The following PUDP variants were observed in gnomAD, a reference collection of about 807,000 sequenced individuals.
PUDP encodes the protein pseudouridine-5'-phosphatase.
Under a neutral mutation model 9.4 loss-of-function variants are expected in PUDP, and 8 were observed. That is an observed-to-expected ratio of 0.85 (90% CI 0.50 to 1.53). The LOEUF (loss-of-function observed/expected upper bound fraction) is 1.53. Among genes scored for constraint, PUDP ranks in the 40% most tolerant of loss-of-function variants. The pLI, the probability that PUDP is intolerant of heterozygous loss-of-function variation, is 0.00. For missense variants in PUDP, 188 were observed against 189.7 expected, an observed-to-expected ratio of 0.99 and a Z score of 0.05; for synonymous variants, 99 against 80.7, an observed-to-expected ratio of 1.23 and a Z score of -1.22.
intron 2 of PUDP, among the ~76,000 whole-genome samples, chrX:6,977,283 G>C (rs1459165429): frequency 1.8e-5 from 2 of 111,422 alleles, no homozygotes; most frequent in African/African-American, 6.5e-5. Flanking sequence ...ACACCTTCAG[G>C]ATGTAGACAG....
intron 3 of PUDP, among the ~76,000 whole-genome samples, chrX:6,771,463 A>G (rs1411355731): frequency 8.9e-6 from 1 of 112,093 alleles, no homozygotes; most frequent in Non-Finnish European, 1.9e-5. Flanking sequence ...CTTTTGGAGC[A>G]TGTCCGCAAC....
chrX:6,863,714 G>A (rs948361254), intron 3 of PUDP, among the ~76,000 whole-genome samples: 8 of 111,866 alleles, frequency 7.2e-5, no homozygotes, highest in Non-Finnish European at 1.3e-4. Context: ...TTCTATAGGC[G>A]AGCTGAAATT....
At chrX:6,752,788 A>G (rs2146670896) in intron 3 of PUDP, among the ~76,000 whole-genome samples, 1 of 111,806 alleles carries the variant, frequency 8.9e-6, no homozygotes, top group South Asian at 3.8e-4. Context: ...GAGGGAAAAG[A>G]TATTATTAAG....
intron 3 of PUDP, among the ~76,000 whole-genome samples, chrX:6,942,417 A>T (rs1928412489): frequency 9.0e-6 from 1 of 111,644 alleles, no homozygotes; most frequent in South Asian, 3.8e-4. Flanking sequence ...AAGATGACAG[A>T]CTTCCTTTAC....
chrX:7,025,817 T>C (rs1929700879), intron 1 of PUDP, among the ~76,000 whole-genome samples: 1 of 112,686 alleles, frequency 8.9e-6, no homozygotes, highest in Non-Finnish European at 1.9e-5. Flanking sequence ...AAATATACTA[T>C]GTCAACTTTG....
At chrX:6,711,870 A>G (rs1924536637) in intron 1 of PUDP, among the ~76,000 whole-genome samples, 3 of 112,346 alleles carry the variant, frequency 2.7e-5, no homozygotes, top group Non-Finnish European at 5.6e-5. Context: ...TGTCCAGCTC[A>G]CAGGGCCTGG....
At chrX:6,729,600 G>A (rs1924784750) in intron 3 of PUDP, among the ~76,000 whole-genome samples, 1 of 112,063 alleles carries the variant, frequency 8.9e-6, no homozygotes, top group East Asian at 2.8e-4. Context: ...ATATGATGAG[G>A]TTTCTCTTCA....
chrX:6,894,941 G>A (rs1303186130), intron 3 of PUDP, among the ~76,000 whole-genome samples: 3 of 111,199 alleles, frequency 2.7e-5, no homozygotes, highest in African/African-American at 9.8e-5. Context: ...CAAAAAAGAG[G>A]GTGTGTTTGG....
In PUDP at chrX:6,764,248, A is replaced by G. The variant is rs1477026825; in HGVS notation, c.*248-57782T>C. On this transcript the variant is annotated intron_variant and NMD_transcript_variant, in intron 3 of 3. Transcript: ENST00000655425. Reference sequence around the variant, plus strand: ...TTTGCAAAGCAGGAGGCAAAGCAGAAGACACCCCATCGTGGTCTTGGCAGC... The same window carrying G: ...TTTGCAAAGCAGGAGGCAAAGCAGAGGACACCCCATCGTGGTCTTGGCAGC... Among the ~76,000 whole-genome samples, 48 of 111,860 alleles carry G rather than the reference A, an allele frequency of 4.3e-4. No homozygotes were observed. In the Admixed American group the frequency reaches 4.6e-3, roughly 11 times the overall value.
chrX:6,773,615 C>A (rs1364144509), intron 3 of PUDP, among the ~76,000 whole-genome samples: 3 of 111,022 alleles, frequency 2.7e-5, no homozygotes, highest in Non-Finnish European at 5.7e-5. Context: ...AACTCAACAC[C>A]AGAGGCAAAG....
At chrX:7,096,149 T>C (rs1381341960) in intron 2 of PUDP, among the ~76,000 whole-genome samples, 11 of 111,848 alleles carry the variant, frequency 9.8e-5, no homozygotes, top group Non-Finnish European at 2.1e-4. Context: ...TGACAATTCA[T>C]TTAAGAGCTA....
chrX:7,129,554 CT>C (rs1430868649), intron 1 of PUDP, among the ~76,000 whole-genome samples: 11 of 112,231 alleles, frequency 9.8e-5, no homozygotes, highest in East Asian at 5.6e-4. Flanking sequence ...TACAGCTCTT[CT>C]CTGTCTTTGA....
intron 1 of PUDP, among the ~76,000 whole-genome samples, chrX:6,982,593 T>C (rs768249920): frequency 3.6e-5 from 4 of 111,994 alleles, no homozygotes; most frequent in Non-Finnish European, 7.5e-5. Flanking sequence ...TCTGCCATAG[T>C]GATGTTATCT....
intron 1 of PUDP, among the ~76,000 whole-genome samples, chrX:7,034,677 GTATC>G (rs910311407): frequency 9.0e-6 from 1 of 111,503 alleles, no homozygotes; most frequent in African/African-American, 3.3e-5. Flanking sequence ...TATCTATTGT[GTATC>G]TATCTAATAA....
At chrX:6,711,521 C>A (rs1181937311) in intron 1 of PUDP, among the ~76,000 whole-genome samples, 2 of 111,149 alleles carry the variant, frequency 1.8e-5, no homozygotes, top group South Asian at 3.9e-4. Context: ...GGTTTTATGT[C>A]TGGCTTTGGG....
At chrX:6,904,002 A>C in intron 3 of PUDP, among the ~76,000 whole-genome samples, 1 of 104,911 alleles carries the variant, frequency 9.5e-6, no homozygotes, top group East Asian at 3.0e-4. Context: ...CCCAGGCTGG[A>C]GTGCAGTGGC....
Position 7,143,003 on chromosome X carries a change from T to G in PUDP, c.61+5050A>C, listed in dbSNP as rs1157073979. ...AATCAAGTGATGTGGCAAACTTCAT[T>G]GCTGTTTTATTTTTTAAAATTGCCA... is the stretch of plus-strand genomic sequence containing the variant. On this transcript the variant is annotated intron_variant, in intron 1 of 3. Coordinates refer to ENST00000381077, the MANE Select transcript of PUDP (RefSeq NM_012080.5). Among the ~76,000 whole-genome samples, 11 of 111,312 alleles carry G rather than the reference T, an allele frequency of 9.9e-5. No homozygotes were observed. In the Admixed American group the frequency reaches 1.1e-3, roughly 11 times the overall value.
intron 3 of PUDP, among the ~76,000 whole-genome samples, chrX:6,961,260 C>A (rs1928704227): frequency 9.1e-6 from 1 of 110,391 alleles, no homozygotes; most frequent in South Asian, 4.0e-4. Context: ...ATTAGCCATG[C>A]CTGTAGTCCC....
At chrX:6,826,790 G>A (rs2146710736) in intron 3 of PUDP, among the ~76,000 whole-genome samples, 1 of 111,777 alleles carries the variant, frequency 8.9e-6, no homozygotes, top group South Asian at 3.7e-4. Context: ...TGTTAGACAA[G>A]ATCCTCTCTA....
Sources: allele counts gnomAD v4.1 joint callset (sites outside exome capture counted in the v4.1 genomes callset), GRCh38; gene constraint gnomAD v4.1.1; transcripts MANE v1.5; gene names NCBI Gene and HGNC (gene_info 2026-07-23, HGNC 2026-07-21).